Variants in RAB3C observed in about 807,000 individuals in gnomAD.
RAB3C encodes the protein ras-related protein Rab-3C.
A neutral mutation model predicts 26.4 loss-of-function variants in RAB3C; 17 were observed. The ratio of observed to expected loss-of-function variants is 0.64; its 90% CI spans 0.44 to 0.97. The LOEUF (loss-of-function observed/expected upper bound fraction) is 0.97, where lower values mean the gene tolerates loss of function less well. Ranked by LOEUF, RAB3C falls within the 50% of genes least tolerant of loss-of-function variation. The pLI, the probability that RAB3C is intolerant of heterozygous loss-of-function variation, is 0.00. For missense variants in RAB3C, 242 were observed against 281.9 expected (o/e 0.86, Z 1.01); for synonymous variants, 91 against 95.9 (o/e 0.95, Z 0.30).
chr5:58,653,722 G>T (rs767663221), intron 2 of RAB3C, among the ~76,000 whole-genome samples: 11 of 152,246 alleles, frequency 7.2e-5, no homozygotes, highest in Non-Finnish European at 1.3e-4. Flanking sequence ...ATGAGGTGTT[G>T]GTAAGACATT....
intron 2 of RAB3C, among the ~76,000 whole-genome samples, chr5:58,684,702 G>A (rs1579856471): frequency 6.6e-6 from 1 of 152,182 alleles, no homozygotes; most frequent in Non-Finnish European, 1.5e-5. Context: ...TGCAGGAATA[G>A]CACTGCCAAA....
chr5:58,798,045 G>T (rs752421920), intron 3 of RAB3C, among the ~76,000 whole-genome samples: 3 of 151,894 alleles, frequency 2.0e-5, no homozygotes, highest in Non-Finnish European at 2.9e-5. Flanking sequence ...TAGACTATTA[G>T]ATTATAACAC....
intron 3 of RAB3C, among the ~76,000 whole-genome samples, chr5:58,798,710 A>G (rs1259346210): frequency 1.3e-5 from 2 of 152,230 alleles, no homozygotes; most frequent in African/African-American, 2.4e-5. Flanking sequence ...TCCTGAAAGT[A>G]TCTCATTATA....
At position 58,759,236 on chromosome 5, in the gene RAB3C, G is replaced by T. The variant is rs377382866; in HGVS notation, c.371+33116G>T. Among the ~76,000 whole-genome samples, 111 of 152,300 alleles carry T rather than the reference G, an allele frequency of 7.3e-4. 3 individuals are homozygous for T. In the South Asian group the frequency reaches 0.018, roughly 25 times the overall value. On this transcript the variant is annotated intron_variant, in intron 3 of 4. Coordinates refer to ENST00000282878, the MANE Select transcript of RAB3C (RefSeq NM_138453.4). ...CAGGGTCCTGAGGGAGATTATAGAA[G>T]GAGTTTCTAACCCAGATGTGGTGGG...
At chr5:58,791,061 T>A (rs1461212848) in intron 3 of RAB3C, among the ~76,000 whole-genome samples, 1 of 90,332 alleles carries the variant, frequency 1.1e-5, no homozygotes, top group Non-Finnish European at 2.6e-5. Flanking sequence ...ATATAATTTT[T>A]GACATTAAAA....
At position 58,851,645 on chromosome 5, in the gene RAB3C, G is replaced by T; in HGVS notation, c.*294G>T. 1 of 290,348 alleles carries T rather than the reference G, an allele frequency of 3.4e-6. No individual in the cohort carries two copies. The highest frequency in any genetic ancestry group is 6.4e-6 in the Non-Finnish European group (1 of 156,740). The allele number at this position is 290,348 out of a possible 1,614,324, so 18.0% of individuals were successfully genotyped here. ...TCAAATTTGTTCTCAGACTACTTCTGGGACATCAGACTATAATCTCACTAC... is the reference window on the plus strand; with the variant it reads ...TCAAATTTGTTCTCAGACTACTTCTTGGACATCAGACTATAATCTCACTAC... On this transcript the variant is annotated 3_prime_UTR_variant, in exon 5 of 5. Coordinates refer to ENST00000282878, the MANE Select transcript of RAB3C (RefSeq NM_138453.4).
At chr5:58,824,891 T>A in intron 3 of RAB3C, 147 bp from the exon 4 acceptor site, 1 of 558,134 alleles carries the variant, frequency 1.8e-6, no homozygotes. Context: ...TGCACTCAAC[T>A]AATTAACTCT....
At chr5:58,647,105 A>G (rs1747537602) in intron 2 of RAB3C, among the ~76,000 whole-genome samples, 1 of 152,208 alleles carries the variant, frequency 6.6e-6, no homozygotes, top group Admixed American at 6.5e-5. Flanking sequence ...TGGATAAGGC[A>G]CTTAAGCCAA....
At chr5:58,747,436 G>A (rs901870676) in intron 3 of RAB3C, among the ~76,000 whole-genome samples, 1 of 152,142 alleles carries the variant, frequency 6.6e-6, no homozygotes, top group African/African-American at 2.4e-5. Flanking sequence ...CCGGAGAATA[G>A]TAGAACATTT....
chr5:58,758,440 A>G (rs994224379), intron 3 of RAB3C, among the ~76,000 whole-genome samples: 1 of 152,178 alleles, frequency 6.6e-6, no homozygotes, highest in Non-Finnish European at 1.5e-5. Flanking sequence ...TCATATATAT[A>G]GACATATTGT....
chr5:58,643,324 G>A (rs946949591), intron 2 of RAB3C, among the ~76,000 whole-genome samples: 4 of 152,076 alleles, frequency 2.6e-5, no homozygotes, highest in Non-Finnish European at 4.4e-5. Flanking sequence ...ATTTCAATAT[G>A]GAATAATCCT....
At chr5:58,655,965 T>C (rs1747763289) in intron 2 of RAB3C, among the ~76,000 whole-genome samples, 1 of 151,624 alleles carries the variant, frequency 6.6e-6, no homozygotes, top group African/African-American at 2.4e-5. Flanking sequence ...CCCGGCTAAT[T>C]TTTTTGTATT....
chr5:58,782,147 GAGAA>G (rs1246959140), intron 3 of RAB3C, among the ~76,000 whole-genome samples: 3 of 152,072 alleles, frequency 2.0e-5, no homozygotes, highest in African/African-American at 7.2e-5. Context: ...GCTTTGGAGA[GAGAA>G]AGAATGAATG....
rs2112089314 is a variant in RAB3C at position 58,849,400 on chromosome 5, C to A, written c.497-1764C>A. ...GCCAATAGTTCTGATATCTTAGCAA[C>A]AAGGATCTTGCTTAGATCCATGCTT... On this transcript the variant is annotated intron_variant, in intron 4 of 4. Transcript: ENST00000282878. Among the ~76,000 whole-genome samples, 3 of 152,272 alleles carry A rather than the reference C, an allele frequency of 2.0e-5. No homozygotes were observed. In the East Asian group the frequency reaches 5.8e-4, roughly 29 times the overall value.
chr5:58,790,057 C>T (rs907528889), intron 3 of RAB3C, among the ~76,000 whole-genome samples: 2 of 152,200 alleles, frequency 1.3e-5, no homozygotes, highest in African/African-American at 2.4e-5. Context: ...TTCCCCTTAA[C>T]GGCCTCTCCT....
chr5:58,839,342 GTTT>G (rs769148061), intron 4 of RAB3C, among the ~76,000 whole-genome samples: 4 of 95,736 alleles, frequency 4.2e-5, no homozygotes, highest in Admixed American at 1.1e-4. Flanking sequence ...GTAATGATAA[GTTT>G]TTATTTTATT....
In RAB3C at chr5:58,855,378, T is replaced by C. The variant is rs1744233893; in HGVS notation, c.*4027T>C. The C allele has an allele frequency of 6.6e-6, 1 of 152,262 alleles. No homozygotes were observed. The highest frequency in any genetic ancestry group is 1.5e-5 in the Non-Finnish European group (1 of 68,042). 9.4% of individuals were successfully genotyped at this position (152,262 alleles called of 1,614,324 possible). On this transcript the variant is annotated 3_prime_UTR_variant, in exon 5 of 5. Transcript: ENST00000282878. ...TCAATCAGTTATTTTTGGTGTGGCA[T>C]ACTTCAGAGCTGGCCTGTCCGTCTG...
intron 1 of RAB3C, among the ~76,000 whole-genome samples, chr5:58,588,961 C>T (rs534308089): frequency 2.0e-5 from 3 of 152,178 alleles, no homozygotes; most frequent in Non-Finnish European, 2.9e-5. Flanking sequence ...GTGATGACAG[C>T]GGACATCCTT....
intron 2 of RAB3C, among the ~76,000 whole-genome samples, chr5:58,722,855 T>C (rs1740803168): frequency 6.6e-6 from 1 of 151,906 alleles, no homozygotes; most frequent in Admixed American, 6.6e-5. Flanking sequence ...TACATTTTTA[T>C]TTTAAAATAT....
Sources: gnomAD v4.1 joint callset for allele counts (sites outside exome capture counted in the v4.1 genomes callset) on GRCh38, gnomAD v4.1.1 for gene constraint, MANE v1.5 for transcripts, NCBI Gene and HGNC (gene_info 2026-07-23, HGNC 2026-07-21) for gene names.